Variants in COL23A1 observed in about 807,000 individuals in gnomAD.
The protein encoded by COL23A1 is collagen alpha-1(XXIII) chain.
In COL23A1, 97 loss-of-function variants were observed where a neutral mutation model predicts 99.3. The ratio of observed to expected loss-of-function variants is 0.98; its 90% CI spans 0.83 to 1.16. The LOEUF is 1.16. Ranked by LOEUF, COL23A1 falls within the 50% of genes most tolerant of loss-of-function variation. The pLI is 0.00. For synonymous variants in COL23A1, 320 were observed against 308.2 expected (o/e 1.04, Z -0.40); for missense variants, 762 against 757.4 (o/e 1.01, Z -0.07).
At chr5:178,341,860 GC>G (rs1324033783) in intron 2 of COL23A1, among the ~76,000 whole-genome samples, 1 of 152,160 alleles carries the variant, frequency 6.6e-6, no homozygotes, top group Non-Finnish European at 1.5e-5. Context: ...CCTCCAGACA[GC>G]ACCTGGCGAG....
At chr5:178,407,299 C>G (rs1049853002) in intron 2 of COL23A1, among the ~76,000 whole-genome samples, 1 of 152,214 alleles carries the variant, frequency 6.6e-6, no homozygotes, top group Non-Finnish European at 1.5e-5. Context: ...TCACCCTCCA[C>G]CTGAAAGTAA....
chr5:178,341,868 C>T (rs1471886665), intron 2 of COL23A1, among the ~76,000 whole-genome samples: 2 of 152,166 alleles, frequency 1.3e-5, no homozygotes. Flanking sequence ...CAGCACCTGG[C>T]GAGCCCCTCA....
chr5:178,590,280 C>T lies in COL23A1; in HGVS notation c.-83G>A. 8.8e-7 allele frequency: 1 copy of T among 1,137,868 alleles called. No individual in the cohort carries two copies. The highest frequency in any genetic ancestry group is 1.1e-6 in the Non-Finnish European group (1 of 920,480). The allele number at this position is 1,137,868 out of a possible 1,614,324, so 70.5% of individuals were successfully genotyped here. A position where few individuals can be genotyped will look rare whatever the true frequency, so the allele number is the denominator to read the frequency against. On this transcript the variant is annotated 5_prime_UTR_variant, in exon 1 of 29. Coordinates refer to ENST00000390654, the MANE Select transcript of COL23A1 (RefSeq NM_173465.4). The surrounding 1 kb of genome is among the most constrained non-coding windows in gnomAD (Gnocchi z 5.7). ...GGTGCGAGAGGAGCAGGCGGGACAG[C>T]CCGAGGCACGAGGTCCGCCGGGCGC...
rs907730530 is a variant in COL23A1, at chr5:178,470,215, G to C, written c.361+90467C>G. Among the ~76,000 whole-genome samples, 5 of 152,306 alleles carry C rather than the reference G, an allele frequency of 3.3e-5. No individual in the cohort carries two copies. In the East Asian group the frequency reaches 9.7e-4, roughly 29 times the overall value. ...GCTCTTCCTCCAGGCACTTCTCAGG[G>C]ACGAAGCTTGCTTTGAGCTGGCCAT... is the stretch of plus-strand genomic sequence containing the variant. On this transcript the variant is annotated intron_variant, in intron 2 of 28. Coordinates refer to ENST00000390654, the MANE Select transcript of COL23A1 (RefSeq NM_173465.4).
chr5:178,589,930 G>C lies in COL23A1; in HGVS notation c.268C>G (p.Pro90Ala). 7.6e-7 allele frequency: 1 copy of C among 1,322,164 alleles called. No individual in the cohort carries two copies. Among genetic ancestry groups the C allele is most frequent in the Non-Finnish European group, 9.6e-7 (1 of 1,042,548 alleles). The allele number at this position is 1,322,164 out of a possible 1,614,324, so 81.9% of individuals were successfully genotyped here. Residue 90 changes from proline (P) to alanine (A), a missense_variant, in exon 1 of 29, where the codon CCG (proline) becomes GCG (alanine). By Grantham distance (27) the Pro-to-Ala change is conservative. Coordinates refer to ENST00000390654, the MANE Select transcript of COL23A1 (RefSeq NM_173465.4). This position sits in a 1 kb window ranked among gnomAD's most constrained non-coding sequence, Gnocchi z 5.4. ...TCCCGCAGCAGGCGCTCCAGGTGCGGCTCGGCCCAGGCGTCCAGGGCGCCT... is the reference window on the plus strand; with the variant it reads ...TCCCGCAGCAGGCGCTCCAGGTGCGCCTCGGCCCAGGCGTCCAGGGCGCCT... ...PPGALDAWAE[P>A]HLERLLREKL...
At chr5:178,519,099 A>G (rs995158442) in intron 2 of COL23A1, among the ~76,000 whole-genome samples, 1 of 151,740 alleles carries the variant, frequency 6.6e-6, no homozygotes, top group African/African-American at 2.4e-5. Context: ...TAAGCCACCG[A>G]CCCCAGCCCG....
At chr5:178,501,938 C>A (rs545171790) in intron 2 of COL23A1, among the ~76,000 whole-genome samples, 1 of 152,186 alleles carries the variant, frequency 6.6e-6, no homozygotes, top group Non-Finnish European at 1.5e-5. Flanking sequence ...CCTACAGGGC[C>A]GTGTCAGGGA....
chr5:178,373,198 G>A (rs1359891227), intron 2 of COL23A1, among the ~76,000 whole-genome samples: 1 of 152,110 alleles, frequency 6.6e-6, no homozygotes, highest in African/African-American at 2.4e-5. Flanking sequence ...CTGGCCTTGT[G>A]CCCTTGGACC....
At chr5:178,351,407 C>T (rs1396665402) in intron 2 of COL23A1, among the ~76,000 whole-genome samples, 6 of 152,274 alleles carry the variant, frequency 3.9e-5, no homozygotes, top group South Asian at 2.1e-4. Flanking sequence ...GGTGCCTTGG[C>T]GAGCCTTGCT....
chr5:178,380,270 T>C (rs1263326478), intron 2 of COL23A1, among the ~76,000 whole-genome samples: 2 of 152,206 alleles, frequency 1.3e-5, no homozygotes, highest in African/African-American at 4.8e-5. Context: ...ACTGCAACTC[T>C]GGGTCACAGG....
intron 18 of COL23A1, among the ~76,000 whole-genome samples, chr5:178,249,716 A>ACACACACACACTCTCTCTCTCTCTCTCT: frequency 2.2e-5 from 2 of 92,806 alleles, no homozygotes; most frequent in Non-Finnish European, 4.4e-5. Context: ...ACACACACAC[A>ACACACACACACTCTCTCTCTCTCTCTCT]CTCTCTCTCT....
chr5:178,308,217 A>T lies in COL23A1; in HGVS notation c.362-1298T>A, dbSNP rs1257812830. On this transcript the variant is annotated intron_variant, in intron 2 of 28. Coordinates refer to ENST00000390654, the MANE Select transcript of COL23A1 (RefSeq NM_173465.4). The surrounding 1 kb of genome is among the most constrained non-coding windows in gnomAD (Gnocchi z 5.1). ...AGTCTCTGAGAAACAGCGAGAGAGA[A>T]GAGATCCCTTCAGGTGGAGAGGGGC... is the stretch of plus-strand genomic sequence containing the variant. Among the ~76,000 whole-genome samples the T allele has an allele frequency of 6.6e-6, 1 of 152,088 alleles. No individual in the cohort carries two copies. The highest frequency in any genetic ancestry group is 2.4e-5 in the African/African-American group (1 of 41,420).
Position 178,464,972 on chromosome 5 carries a change from C to T in COL23A1, c.361+95710G>A, listed in dbSNP as rs115642525. 3.0e-3 allele frequency among the ~76,000 whole-genome samples: 458 copies of T among 152,298 alleles called. 1 individual carries two copies. The highest frequency in any genetic ancestry group is 4.7e-3 in the Non-Finnish European group (321 of 68,032). ...TGCCACTGCTGCCTATGGAACAACG[C>T]CTTGTAAATGACAACACGGTTTTGA... On this transcript the variant is annotated intron_variant, in intron 2 of 28. Transcript: ENST00000390654.
At chr5:178,360,716 G>C (rs568115756) in intron 2 of COL23A1, among the ~76,000 whole-genome samples, 1 of 152,286 alleles carries the variant, frequency 6.6e-6, no homozygotes, top group African/African-American at 2.4e-5. Flanking sequence ...GGCACACCTG[G>C]TCATGGAGTG....
intron 2 of COL23A1, among the ~76,000 whole-genome samples, chr5:178,388,067 C>T (rs147783765): frequency 1.3e-5 from 2 of 152,294 alleles, no homozygotes; most frequent in African/African-American, 2.4e-5. Context: ...GTGATTCTTC[C>T]AGTAGGCTCA....
intron 2 of COL23A1, among the ~76,000 whole-genome samples, chr5:178,364,675 T>G (rs1762366099): frequency 6.6e-6 from 1 of 152,148 alleles, no homozygotes; most frequent in African/African-American, 2.4e-5. Context: ...GTTGCACCTT[T>G]GATTAGCAGA....
chr5:178,517,851 T>C (rs4280894), intron 2 of COL23A1, among the ~76,000 whole-genome samples: 142,879 of 142,974 alleles, frequency 1, 71,392 homozygotes, highest in Middle Eastern at 1. Context: ...TGAGCCGCCG[T>C]GCCTGGCCAG....
intron 1 of COL23A1, among the ~76,000 whole-genome samples, chr5:178,574,782 A>AT (rs60440680): frequency 0.28 from 42,327 of 152,014 alleles, 8,913 homozygotes; most frequent in African/African-American, 0.56. Flanking sequence ...CGCTGAAGGT[A>AT]TTCAGCTTAG....
At chr5:178,386,672 G>C (rs1040383378) in intron 2 of COL23A1, among the ~76,000 whole-genome samples, 6 of 152,140 alleles carry the variant, frequency 3.9e-5, no homozygotes, top group African/African-American at 1.4e-4. Context: ...CTGAGACCCG[G>C]TGGGAGGGAA....
Sources: allele counts gnomAD v4.1 joint callset (sites outside exome capture counted in the v4.1 genomes callset), GRCh38; gene constraint gnomAD v4.1.1; non-coding constraint Gnocchi (gnomAD v3.1); transcripts MANE v1.5; gene names NCBI Gene and HGNC (gene_info 2026-07-23, HGNC 2026-07-21).